VAV1: variants seen among roughly 807,000 people sequenced by gnomAD.
VAV1 encodes the protein vav guanine nucleotide exchange factor 1.
VAV1 carries 33 observed loss-of-function variants against 128.1 expected under a neutral mutation model. That is an observed-to-expected ratio of 0.26 (90% confidence interval 0.20 to 0.34). The LOEUF (loss-of-function observed/expected upper bound fraction) is 0.34. Ranked by LOEUF, VAV1 falls within the 10% of genes least tolerant of loss-of-function variation. VAV1 has a pLI of 1.00. For missense variants in VAV1, 715 were observed against 1,093.7 expected (o/e 0.65, Z 4.88); for synonymous variants, 394 against 409.8 (o/e 0.96, Z 0.47).
chr19:6,848,195 T>G, intron 23 of VAV1, 81 bp downstream of exon 23: 1 of 1,365,240 alleles, frequency 7.3e-7, no homozygotes, highest in Non-Finnish European at 9.8e-7. Context: ...AGGTTTTACT[T>G]TATAGAAGTG....
intron 1 of VAV1, among the ~76,000 whole-genome samples, chr19:6,787,252 T>C (rs886430965): frequency 6.6e-6 from 1 of 152,162 alleles, no homozygotes; most frequent in South Asian, 2.1e-4. Context: ...CTTGGCTCAC[T>C]GCAACCTCCA....
chr19:6,783,771 A>G (rs1488144196), intron 1 of VAV1, among the ~76,000 whole-genome samples: 1 of 151,442 alleles, frequency 6.6e-6, no homozygotes, highest in Non-Finnish European at 1.5e-5. Context: ...CCCTGCCTCC[A>G]TTCTTGTTAT....
chr19:6,794,053 C>T (rs1971074829), intron 1 of VAV1, among the ~76,000 whole-genome samples: 1 of 149,464 alleles, frequency 6.7e-6, no homozygotes, highest in Admixed American at 6.7e-5. Context: ...GATTTATTTA[C>T]CAATAAACCA....
At chr19:6,783,672 TAGTC>T (rs1045764011) in intron 1 of VAV1, among the ~76,000 whole-genome samples, 3 of 151,934 alleles carry the variant, frequency 2.0e-5, no homozygotes, top group African/African-American at 7.3e-5. Context: ...TTCTCCATGT[TAGTC>T]AGGGTGGTCT....
chr19:6,823,306 A>G (rs1054662120), intron 6 of VAV1, among the ~76,000 whole-genome samples: 1 of 150,982 alleles, frequency 6.6e-6, no homozygotes, highest in African/African-American at 2.4e-5. Context: ...TTGTATTTTT[A>G]GTAGAGACGA....
At position 6,826,994 on chromosome 19, in the gene VAV1, A is replaced by C; in HGVS notation, c.927+283A>C. On this transcript the variant is annotated intron_variant, in intron 9 of 26. Coordinates refer to ENST00000602142, the MANE Select transcript of VAV1 (RefSeq NM_005428.4). This position sits in a 1 kb window ranked among gnomAD's most constrained non-coding sequence, Gnocchi z 4.1. Reference sequence around the variant, plus strand: ...CAACCCCAGCCCTGGGCTGAGCCCTAGCACTGATTGTACCCCAAGTCGGGC... The same window carrying C: ...CAACCCCAGCCCTGGGCTGAGCCCTCGCACTGATTGTACCCCAAGTCGGGC... 1 of 430,966 alleles carries C rather than the reference A, an allele frequency of 2.3e-6. No homozygotes were observed. Among genetic ancestry groups the C allele is most frequent in the Non-Finnish European group, 4.3e-6 (1 of 233,132 alleles). 26.7% of individuals were successfully genotyped at this position (430,966 alleles called of 1,614,324 possible). A position where few individuals can be genotyped will look rare whatever the true frequency, so the allele number is the denominator to read the frequency against.
intron 21 of VAV1, among the ~76,000 whole-genome samples, chr19:6,840,299 CTTTCTTTTTTT>C (rs1599674039): frequency 7.8e-6 from 1 of 127,766 alleles, no homozygotes; most frequent in African/African-American, 2.7e-5. Context: ...TCAGAATTTT[CTTTCTTTTTTT>C]TTTTTTTTTT....
chr19:6,833,410 T>A, intron 16 of VAV1, 118 bp from the exon 17 acceptor site: 2 of 1,364,538 alleles, frequency 1.5e-6, no homozygotes, highest in Non-Finnish European at 2.0e-6. Context: ...ATCTTCTGCT[T>A]CTCCGTCACT....
At position 6,786,228 on chromosome 19, in the gene VAV1, T is replaced by C. The variant is rs550491909; in HGVS notation, c.204+13217T>C. Reference sequence around the variant, plus strand: ...TCAATTAATTTATTCATTTATCATATGAATATATGATTCTAATTGCTTCAT... The same window carrying C: ...TCAATTAATTTATTCATTTATCATACGAATATATGATTCTAATTGCTTCAT... On this transcript the variant is annotated intron_variant, in intron 1 of 26. Transcript: ENST00000602142. 2.0e-5 allele frequency among the ~76,000 whole-genome samples: 3 copies of C among 152,320 alleles called. No homozygotes were observed. In the East Asian group the frequency reaches 5.8e-4, roughly 29 times the overall value.
At chr19:6,805,583 T>TAC (rs55732746) in intron 1 of VAV1, among the ~76,000 whole-genome samples, 11,073 of 138,980 alleles carry the variant, frequency 0.08, 455 homozygotes, top group East Asian at 0.12. Context: ...TTTCTACAGA[T>TAC]ACACACACAC....
chr19:6,809,636 T>C (rs1334473628), intron 1 of VAV1, among the ~76,000 whole-genome samples: 1 of 151,986 alleles, frequency 6.6e-6, no homozygotes, highest in African/African-American at 2.4e-5. Context: ...GGGGGAACCA[T>C]GGCAAGGTTT....
chr19:6,840,477 T>G (rs1042537686), intron 21 of VAV1, among the ~76,000 whole-genome samples: 1 of 151,724 alleles, frequency 6.6e-6, no homozygotes, highest in African/African-American at 2.4e-5. Flanking sequence ...GGCTAATTTT[T>G]TGTATTTTTA....
chr19:6,828,186 T>G lies in VAV1; in HGVS notation c.1023+15T>G. The G allele has an allele frequency of 6.2e-7, 1 of 1,613,766 alleles. No individual in the cohort carries two copies. The highest frequency in any genetic ancestry group is 1.1e-5 in the South Asian group (1 of 91,064). On this transcript the variant is annotated intron_variant, in intron 10 of 26. Transcript: ENST00000602142. This position sits in a 1 kb window ranked among gnomAD's most constrained non-coding sequence, Gnocchi z 4.5. Reference sequence around the variant, plus strand: ...TCCTTCTCCAGGTGCCAGGCACATCTCTAGGCGTGGGCTCCACGTACCTAC... The same window carrying G: ...TCCTTCTCCAGGTGCCAGGCACATCGCTAGGCGTGGGCTCCACGTACCTAC...
chr19:6,824,128 A>G (rs994353570), intron 6 of VAV1, among the ~76,000 whole-genome samples: 3 of 151,614 alleles, frequency 2.0e-5, no homozygotes, highest in African/African-American at 7.3e-5. Flanking sequence ...TTTTGTAGAT[A>G]TGGGGTCTTG....
At chr19:6,801,959 G>T (rs1020919931) in intron 1 of VAV1, among the ~76,000 whole-genome samples, 2 of 152,162 alleles carry the variant, frequency 1.3e-5, no homozygotes, top group African/African-American at 4.8e-5. Flanking sequence ...AGCACAGTGG[G>T]TGCCCGCCTC....
rs138077480 is a variant in VAV1, at chr19:6,800,714, T to C, written c.205-19988T>C. Among the ~76,000 whole-genome samples the C allele has an allele frequency of 4.9e-3, 747 of 152,180 alleles. 12 individuals are homozygous for C. Among genetic ancestry groups the C allele is most frequent in the African/African-American group, 0.017 (709 of 41,506 alleles). ...TCGGCTCACTGCCACCTCCGCCTCC[T>C]GGGTTCAAGCGATTCTCCTGCCTCA... On this transcript the variant is annotated intron_variant, in intron 1 of 26. Coordinates refer to ENST00000602142, the MANE Select transcript of VAV1 (RefSeq NM_005428.4).
intron 14 of VAV1, among the ~76,000 whole-genome samples, 181 bp from the exon 15 acceptor site, chr19:6,831,910 G>A (rs1230814568): frequency 6.7e-6 from 1 of 149,970 alleles, no homozygotes; most frequent in African/African-American, 2.5e-5. Flanking sequence ...GTGGTTTTGG[G>A]TTTATGGTTG....
chr19:6,843,817 T>C (rs1972441252), intron 22 of VAV1, among the ~76,000 whole-genome samples: 1 of 152,130 alleles, frequency 6.6e-6, no homozygotes, highest in African/African-American at 2.4e-5. Context: ...TTGTTTTTTT[T>C]TTCTTCTTCA....
chr19:6,776,186 A>G (rs937110045), intron 1 of VAV1, among the ~76,000 whole-genome samples: 5 of 147,274 alleles, frequency 3.4e-5, no homozygotes, highest in African/African-American at 1.3e-4. Flanking sequence ...CCATCCATCC[A>G]TCCATCCACT....
Sources: allele counts gnomAD v4.1 joint callset (sites outside exome capture counted in the v4.1 genomes callset), GRCh38; gene constraint gnomAD v4.1.1; non-coding constraint Gnocchi (gnomAD v3.1); transcripts MANE v1.5; gene names NCBI Gene and HGNC (gene_info 2026-07-23, HGNC 2026-07-21).